The following ABCB8 variants were observed in gnomAD, a reference collection of about 807,000 sequenced individuals.
ABCB8 encodes ATP binding cassette subfamily B member 8.
In ABCB8, 52 loss-of-function variants were observed where a neutral mutation model predicts 73.0. That is an observed-to-expected ratio of 0.71 (90% CI 0.57 to 0.90). The LOEUF is 0.90. ABCB8 is among the 40% of genes least tolerant of loss of function. ABCB8 has a pLI of 0.00. For synonymous variants in ABCB8, 428 were observed against 423.5 expected (o/e 1.01, Z -0.13); for missense variants, 909 against 974.6 (o/e 0.93, Z 0.90).
At chr7:151,031,357 A>G in intron 1 of ABCB8, 1 of 1,514,612 alleles carries the variant, frequency 6.6e-7, no homozygotes, top group Non-Finnish European at 8.8e-7. Context: ...AAAACCTGGC[A>G]GTTGGAATGG....
chr7:151,037,053 A>G (rs1796329943), intron 9 of ABCB8: 1 of 690,122 alleles, frequency 1.4e-6, no homozygotes, highest in African/African-American at 1.8e-5. Flanking sequence ...CCGCCTCCAG[A>G]ACTCTTACCT....
In ABCB8 at chr7:151,037,613, C is replaced by T. The variant is rs780718393; in HGVS notation, c.1217+964C>T. ...ATCAAAGGGTGAAGACCCGTCTCCA[C>T]GAACCGTGCATCACCTCTGCCACCC... is the stretch of plus-strand genomic sequence containing the variant. On this transcript the variant is annotated intron_variant, in intron 9 of 15. Coordinates refer to ENST00000358849, the MANE Select transcript of ABCB8 (RefSeq NM_007188.5). 3.6e-5 allele frequency: 15 copies of T among 411,644 alleles called. 1 individual carries two copies. Among genetic ancestry groups the T allele is most frequent in the East Asian group, 3.6e-4 (7 of 19,384 alleles). The allele number at this position is 411,644 out of a possible 1,614,324, so 25.5% of individuals were successfully genotyped here. A position where few individuals can be genotyped will look rare whatever the true frequency, so the allele number is the denominator to read the frequency against.
chr7:151,041,077 C>A (rs753734505), intron 12 of ABCB8, 22 bp from the exon 13 acceptor site: 1 of 1,613,702 alleles, frequency 6.2e-7, no homozygotes, highest in African/African-American at 1.3e-5. Flanking sequence ...TGGCCTCCCT[C>A]CCTCTCAACC....
intron 1 of ABCB8, 76 bp from the exon 2 acceptor site, chr7:151,033,529 C>T (rs1796219427): frequency 1.3e-6 from 2 of 1,505,410 alleles, no homozygotes; most frequent in Non-Finnish European, 8.9e-7. Flanking sequence ...AGGGCTCAGC[C>T]AGAGCCCCAT....
At chr7:151,029,036 C>A in intron 1 of ABCB8, 5 of 1,165,844 alleles carry the variant, frequency 4.3e-6, no homozygotes, top group Non-Finnish European at 5.4e-6. Flanking sequence ...AAGAGCCAAT[C>A]TAATAGGCCG....
chr7:151,041,195 C>G lies in ABCB8; in HGVS notation c.1580C>G (p.Ser527Cys). The change falls in exon 13 of 16, where the codon TCC becomes TGC. Residue 527 changes from serine (S) to cysteine (C), a missense_variant. Physicochemically the swap from Ser to Cys is moderately radical, Grantham distance 112. Coordinates refer to ENST00000358849, the MANE Select transcript of ABCB8 (RefSeq NM_007188.5). ...DGRDLRTLDP[S>C]WLRGQVVGFI... ...CGGGACCTGCGCACCCTTGACCCCT[C>G]CTGGCTCCGGGGCCAGGTTGTCGGC... The G allele has an allele frequency of 6.2e-7, 1 of 1,607,360 alleles. No homozygotes were observed. Among genetic ancestry groups the G allele is most frequent in the Non-Finnish European group, 8.5e-7 (1 of 1,179,720 alleles).
At chr7:151,032,722 T>C (rs1420166659) in intron 1 of ABCB8, 2 of 268,584 alleles carry the variant, frequency 7.4e-6, no homozygotes, top group Admixed American at 4.5e-5. Context: ...ATGTCTAGAA[T>C]AGTGGAATCG....
At chr7:151,036,689 C>T (rs542401681) in intron 9 of ABCB8, 40 bp downstream of exon 9, 20 of 1,518,010 alleles carry the variant, frequency 1.3e-5, no homozygotes, top group South Asian at 2.4e-5. Context: ...AGCCCCCTGC[C>T]GCCCTCCAGA....
intron 15 of ABCB8, among the ~76,000 whole-genome samples, chr7:151,044,559 G>A (rs1007264994): frequency 6.6e-6 from 1 of 152,078 alleles, no homozygotes; most frequent in Non-Finnish European, 1.5e-5. Flanking sequence ...GCAGCATAGC[G>A]GGACCCTGTC....
At chr7:151,030,532 T>C (rs1796133878) in intron 1 of ABCB8, among the ~76,000 whole-genome samples, 1 of 93,250 alleles carries the variant, frequency 1.1e-5, no homozygotes, top group Admixed American at 9.1e-5. Flanking sequence ...TAAAAGTAAA[T>C]GTAGGCCAGG....
Position 151,040,900 on chromosome 7 carries a change from C to T in ABCB8, c.1461C>T (p.Ala487=). ...TLTLPPGKIV[A]LVGQSGGGKT... is the part of the protein sequence containing the mutation. ...CGCTGCCCCCTGGCAAGATCGTGGCCCTCGTGGGCCAGTCTGGCGGAGGTA... is the reference window on the plus strand; with the variant it reads ...CGCTGCCCCCTGGCAAGATCGTGGCTCTCGTGGGCCAGTCTGGCGGAGGTA... Residue 487 remains alanine, a synonymous_variant, in exon 12 of 16, where the codon GCC becomes GCT. Transcript: ENST00000358849. The T allele has an allele frequency of 6.2e-7, 1 of 1,605,918 alleles. No homozygotes were observed. Among genetic ancestry groups the T allele is most frequent in the East Asian group, 2.2e-5 (1 of 44,548 alleles).
At position 151,040,295 on chromosome 7, in the gene ABCB8, T is replaced by G. The variant is rs779449091; in HGVS notation, c.1245T>G (p.Phe415Leu). Residue 415 changes from phenylalanine (F) to leucine (L), a missense_variant, in exon 10 of 16, where the codon TTT (phenylalanine) becomes TTG (leucine). Coordinates refer to ENST00000358849, the MANE Select transcript of ABCB8 (RefSeq NM_007188.5). ...QRSMANLSVL[F>L]GQVVRGLSAG... ...CCATGGCCAACCTCTCTGTCCTGTT[T>G]GGGCAGGTGAGTGGCCGGTAGGGTG... is the stretch of plus-strand genomic sequence containing the variant. 1.2e-5 allele frequency: 20 copies of G among 1,613,014 alleles called. No individual in the cohort carries two copies. In the East Asian group the frequency reaches 4.5e-4, roughly 36 times the overall value.
chr7:151,035,764 C>G, intron 6 of ABCB8, 22 bp downstream of exon 6: 2 of 1,611,434 alleles, frequency 1.2e-6, no homozygotes, highest in Non-Finnish European at 1.7e-6. Flanking sequence ...CCTGGCCATC[C>G]TCTTCACCCT....
Position 151,035,628 on chromosome 7 carries a change from C to T in ABCB8, c.813C>T (p.Ser271=). The change falls in exon 6 of 16, where the codon TCC becomes TCT. Residue 271 remains serine, a synonymous_variant. Coordinates refer to ENST00000358849, the MANE Select transcript of ABCB8 (RefSeq NM_007188.5). The part of the protein sequence containing the change: ...TQVAGCLVSL[S]MLSTRLTLLL... ...TGGCAGGCTGCCTGGTGTCCCTGTC[C>T]ATGCTGTCGACACGCCTCACGCTGC... 1 of 1,608,240 alleles carries T rather than the reference C, an allele frequency of 6.2e-7. No individual in the cohort carries two copies. The highest frequency in any genetic ancestry group is 8.5e-7 in the Non-Finnish European group (1 of 1,175,614).
At chr7:151,037,619 G>A (rs987077257) in intron 9 of ABCB8, 23 of 388,882 alleles carry the variant, frequency 5.9e-5, no homozygotes, top group Admixed American at 3.2e-4. Context: ...TCCACGAACC[G>A]TGCATCACCT....
Position 151,045,413 on chromosome 7 carries a change from G to C in ABCB8, c.*64G>C. 1 of 1,408,500 alleles carries C rather than the reference G, an allele frequency of 7.1e-7. No individual in the cohort carries two copies. Among genetic ancestry groups the C allele is most frequent in the East Asian group, 2.8e-5 (1 of 35,808 alleles). 87.3% of individuals were successfully genotyped at this position (1,408,500 alleles called of 1,614,324 possible). On this transcript the variant is annotated 3_prime_UTR_variant, in exon 16 of 16. Coordinates refer to ENST00000358849, the MANE Select transcript of ABCB8 (RefSeq NM_007188.5). Reference sequence around the variant, plus strand: ...TGTTAGGGCTGGGGCTCAGCCTGGGGGAGCCTACTGGGGACTGAGCCCCCA... The same window carrying C: ...TGTTAGGGCTGGGGCTCAGCCTGGGCGAGCCTACTGGGGACTGAGCCCCCA...
intron 9 of ABCB8, chr7:151,037,096 A>G: frequency 1.4e-6 from 1 of 699,300 alleles, no homozygotes; most frequent in South Asian, 1.5e-5. Context: ...TGACATGGGA[A>G]TCCCCATTTG....
chr7:151,035,140 C>G (rs532753080), intron 5 of ABCB8, among the ~76,000 whole-genome samples: 1 of 152,318 alleles, frequency 6.6e-6, no homozygotes, highest in East Asian at 1.9e-4. Context: ...CTGCCTTGTC[C>G]CCAGAGTGCC....
At position 151,034,501 on chromosome 7, in the gene ABCB8, G is replaced by A. The variant is rs371116709; in HGVS notation, c.565-4G>A. The stretch of plus-strand genomic sequence containing the variant: ...ATCCCTGAGTGCACTGGGCTCTTTC[G>A]CAGGGACTGCTGACCTTCGGGTACC... On this transcript the variant is annotated splice_polypyrimidine_tract_variant and splice_region_variant and intron_variant, in intron 3 of 15. Coordinates refer to ENST00000358849, the MANE Select transcript of ABCB8 (RefSeq NM_007188.5). The A allele has an allele frequency of 6.2e-6, 10 of 1,613,384 alleles. No individual in the cohort carries two copies. Among genetic ancestry groups the A allele is most frequent in the South Asian group, 1.1e-5 (1 of 91,082 alleles).
Sources: allele counts gnomAD v4.1 joint callset (sites outside exome capture counted in the v4.1 genomes callset), GRCh38; gene constraint gnomAD v4.1.1; transcripts MANE v1.5; gene names NCBI Gene and HGNC (gene_info 2026-07-23, HGNC 2026-07-21).